Variants in JAK2 observed in about 807,000 individuals in gnomAD.
JAK2 encodes tyrosine-protein kinase JAK2.
Under a neutral mutation model 139.3 loss-of-function variants are expected in JAK2, and 86 were observed. The observed-to-expected ratio is 0.62, with a 90% CI of 0.52 to 0.74. JAK2 has a LOEUF of 0.74. JAK2 is among the 30% of genes least tolerant of loss of function. The pLI is 0.00. For synonymous variants in JAK2, 490 were observed against 437.7 expected (o/e 1.12, Z -1.49); for missense variants, 1,421 against 1,360.3 (o/e 1.04, Z -0.70).
At chr9:5,027,454 T>C (rs1426515385) in intron 3 of JAK2, among the ~76,000 whole-genome samples, 1 of 152,218 alleles carries the variant, frequency 6.6e-6, no homozygotes, top group Non-Finnish European at 1.5e-5. Flanking sequence ...TTTTTGTTAG[T>C]GGAGAGTCTT....
chr9:5,022,495 C>G (rs937898663), intron 3 of JAK2, among the ~76,000 whole-genome samples: 1 of 152,098 alleles, frequency 6.6e-6, no homozygotes, highest in Non-Finnish European at 1.5e-5. Context: ...CATGGGCTAT[C>G]TCATGACATA....
intron 22 of JAK2, chr9:5,112,055 G>C (rs1044355098): frequency 9.8e-6 from 4 of 406,548 alleles, no homozygotes; most frequent in African/African-American, 6.2e-5. Flanking sequence ...GCTACGACGG[G>C]GGTCTCCACG....
chr9:5,084,911 T>C (rs1819961002), intron 19 of JAK2: 1 of 483,608 alleles, frequency 2.1e-6, no homozygotes. Context: ...TTTTTGGTTA[T>C]CTGCACATGA....
chr9:5,112,189 G>A (rs951921048), intron 22 of JAK2: 7 of 268,890 alleles, frequency 2.6e-5, no homozygotes, highest in Non-Finnish European at 3.8e-5. Flanking sequence ...GCTGGCCTTG[G>A]GCTTCGCCGG....
At chr9:5,093,968 C>A (rs375728408) in intron 22 of JAK2, among the ~76,000 whole-genome samples, 1 of 152,146 alleles carries the variant, frequency 6.6e-6, no homozygotes, top group African/African-American at 2.4e-5. Flanking sequence ...GCCCTCCCCC[C>A]ATAAATGATG....
At chr9:4,997,412 A>G (rs1455192131) in intron 2 of JAK2, among the ~76,000 whole-genome samples, 1 of 152,192 alleles carries the variant, frequency 6.6e-6, no homozygotes, top group Non-Finnish European at 1.5e-5. Context: ...GGGAGCAGGA[A>G]TATCACATTT....
intron 8 of JAK2, among the ~76,000 whole-genome samples, chr9:5,059,189 T>C (rs530206550): frequency 6.6e-6 from 1 of 152,316 alleles, no homozygotes; most frequent in South Asian, 2.1e-4. Context: ...AGAATAGTTC[T>C]CTTACTCCTA....
chr9:5,050,259 T>C (rs1186288739), intron 5 of JAK2, among the ~76,000 whole-genome samples: 1 of 152,192 alleles, frequency 6.6e-6, no homozygotes, highest in Non-Finnish European at 1.5e-5. Flanking sequence ...TATCGCAAAA[T>C]GAATGAAAAT....
At chr9:4,988,131 T>A (rs1302181565) in intron 2 of JAK2, among the ~76,000 whole-genome samples, 1 of 152,244 alleles carries the variant, frequency 6.6e-6, no homozygotes, top group Non-Finnish European at 1.5e-5. Context: ...ACCTTTCTTT[T>A]GCTCTTCTCC....
chr9:5,064,970 T>G lies in JAK2; in HGVS notation c.1144T>G (p.Tyr382Asp). 1 of 1,610,290 alleles carries G rather than the reference T, an allele frequency of 6.2e-7. No individual in the cohort carries two copies. The highest frequency in any genetic ancestry group is 8.5e-7 in the Non-Finnish European group (1 of 1,177,722). The change falls in exon 9 of 25, where the codon TAC becomes GAC. Residue 382 changes from tyrosine to aspartate, a missense_variant. Transcript: ENST00000381652. The part of the protein sequence containing the change: ...YYRLTADAHH[Y>D]LCKEVAPPAV... ...TAGATTAACTGCAGATGCACATCATTACCTCTGTAAAGAAGTAGCACCTCC... is the reference window on the plus strand; with the variant it reads ...TAGATTAACTGCAGATGCACATCATGACCTCTGTAAAGAAGTAGCACCTCC...
chr9:5,017,421 C>G (rs893411783), intron 2 of JAK2, among the ~76,000 whole-genome samples: 2 of 152,158 alleles, frequency 1.3e-5, no homozygotes, highest in East Asian at 1.9e-4. Flanking sequence ...AACTTTCTAT[C>G]TTTTCAGAAA....
At position 5,037,924 on chromosome 9, in the gene JAK2, C is replaced by A. The variant is rs140339336; in HGVS notation, c.351-6479C>A. Among the ~76,000 whole-genome samples the A allele has an allele frequency of 3.0e-3, 451 of 152,240 alleles. 2 individuals carry two copies. The highest frequency in any genetic ancestry group is 9.9e-3 in the African/African-American group (413 of 41,554). On this transcript the variant is annotated intron_variant, in intron 4 of 24. Coordinates refer to ENST00000381652, the MANE Select transcript of JAK2 (RefSeq NM_004972.4). Reference sequence around the variant, plus strand: ...ATCAAATAAACATAAGGTTAGTATTCTTGTAAGTATGAAATTTAAAACAGT... The same window carrying A: ...ATCAAATAAACATAAGGTTAGTATTATTGTAAGTATGAAATTTAAAACAGT...
rs765606878 is a variant in JAK2, at chr9:5,069,951, A to T, written c.1540A>T (p.Thr514Ser). 1 of 1,604,618 alleles carries T rather than the reference A, an allele frequency of 6.2e-7. No individual in the cohort carries two copies. ...TAAATCAAACCTTCTAGTCTTCAGA[A>T]CGAATGGTGTTTCTGATGTACCAAC... is the stretch of plus-strand genomic sequence containing the variant. ...KDKSNLLVFRTNGVSDVPTSP... is the reference protein window; with the variant it reads ...KDKSNLLVFRSNGVSDVPTSP... The change falls in exon 12 of 25, where the codon ACG (threonine) becomes TCG (serine). Residue 514 changes from threonine to serine, a missense_variant. Thr to Ser is a moderately conservative substitution (Grantham distance 58). Transcript: ENST00000381652.
intron 22 of JAK2, among the ~76,000 whole-genome samples, chr9:5,102,398 G>T (rs1010507840): frequency 2.6e-5 from 4 of 152,186 alleles, no homozygotes; most frequent in Non-Finnish European, 5.9e-5. Context: ...TATGTGAAAA[G>T]ACCAAATCTA....
At chr9:5,077,683 C>A (rs1332985473) in intron 15 of JAK2, 103 bp downstream of exon 15, 3 of 643,946 alleles carry the variant, frequency 4.7e-6, no homozygotes, top group Non-Finnish European at 7.2e-6. Context: ...TAATTGGATG[C>A]CAATTCATGT....
intron 3 of JAK2, among the ~76,000 whole-genome samples, chr9:5,027,046 G>A (rs889219818): frequency 3.3e-5 from 5 of 152,146 alleles, no homozygotes; most frequent in Admixed American, 1.3e-4. Context: ...CTCCTTCTGT[G>A]CAACCACATG....
In JAK2 at chr9:5,127,689, T is replaced by G. The variant is rs1271821905; in HGVS notation, c.*898T>G. ...GCTGACTGCCAATAACATTCTTCGA[T>G]CTCTGGGATTTATGCTCATGAACTA... On this transcript the variant is annotated 3_prime_UTR_variant, in exon 25 of 25. Coordinates refer to ENST00000381652, the MANE Select transcript of JAK2 (RefSeq NM_004972.4). The G allele has an allele frequency of 8.6e-6, 2 of 232,214 alleles. No homozygotes were observed. Among genetic ancestry groups the G allele is most frequent in the African/African-American group, 4.4e-5 (2 of 45,252 alleles). 14.4% of individuals were successfully genotyped at this position (232,214 alleles called of 1,614,324 possible). A position where few individuals can be genotyped will look rare whatever the true frequency, so the allele number is the denominator to read the frequency against.
intron 19 of JAK2, chr9:5,085,596 T>C (rs1167520953): frequency 2.9e-6 from 2 of 696,658 alleles, no homozygotes; most frequent in Non-Finnish European, 5.4e-6. Context: ...CTATAGATAC[T>C]ACAGAAAGAA....
intron 8 of JAK2, among the ~76,000 whole-genome samples, chr9:5,058,755 C>T (rs908112674): frequency 5.9e-5 from 9 of 152,146 alleles, no homozygotes; most frequent in African/African-American, 2.2e-4. Flanking sequence ...AGTAGTATCT[C>T]ATTGTGATTT....
Sources: allele counts gnomAD v4.1 joint callset (sites outside exome capture counted in the v4.1 genomes callset), GRCh38; gene constraint gnomAD v4.1.1; transcripts MANE v1.5; gene names NCBI Gene and HGNC (gene_info 2026-07-23, HGNC 2026-07-21).